The following C2CD5 variants were observed in gnomAD, a reference collection of about 807,000 sequenced individuals.
The protein encoded by C2CD5 is C2 domain-containing protein 5.
C2CD5 carries 109 observed loss-of-function variants against 130.3 expected under a neutral mutation model. The ratio of observed to expected loss-of-function variants is 0.84; its 90% CI spans 0.72 to 0.98. The LOEUF is 0.98. C2CD5 is among the 50% of genes least tolerant of loss of function. The probability of loss-of-function intolerance (pLI) is 0.00; values close to 1 mark genes in which losing one functional copy is unlikely to be tolerated. For missense variants in C2CD5, 996 were observed against 1,261.8 expected (o/e 0.79, Z 3.19); for synonymous variants, 454 against 429.2 (o/e 1.06, Z -0.71).
intron 15 of C2CD5, 163 bp downstream of exon 15, chr12:22,478,150 C>T (rs1014666454): frequency 2.6e-5 from 16 of 622,462 alleles, no homozygotes; most frequent in Non-Finnish European, 3.4e-5. Flanking sequence ...TAGGCTTACC[C>T]GAAAAGGAGA....
intron 8 of C2CD5, chr12:22,515,054 G>C: frequency 1.0e-6 from 1 of 985,014 alleles, no homozygotes; most frequent in Non-Finnish European, 1.2e-6. Context: ...GCTAGATTCC[G>C]AGAGGAGGAG....
intron 21 of C2CD5, among the ~76,000 whole-genome samples, chr12:22,470,160 A>T (rs1054962408): frequency 5.3e-5 from 8 of 152,142 alleles, no homozygotes; most frequent in African/African-American, 1.9e-4. Flanking sequence ...ATCTGAACAC[A>T]TAATCATTTA....
intron 2 of C2CD5, among the ~76,000 whole-genome samples, chr12:22,543,204 C>T (rs930528842): frequency 1.3e-5 from 2 of 152,366 alleles, no homozygotes; most frequent in South Asian, 4.1e-4. Flanking sequence ...TGCTCTAATG[C>T]TCTGGCTCAT....
rs1340410416 is a variant in C2CD5 at position 22,453,914 on chromosome 12, C to A, written c.3006G>T (p.Glu1002Asp). 1 of 1,612,606 alleles carries A rather than the reference C, an allele frequency of 6.2e-7. No homozygotes were observed. The highest frequency in any genetic ancestry group is 2.2e-5 in the East Asian group (1 of 44,804). Reference protein sequence around the residue: ...SYIMKQCVFMENPNKNQAQCL... With the variant: ...SYIMKQCVFMDNPNKNQAQCL... ...ATCTTACCTGGTTTTTATTTGGATT[C>A]TCCATGAAGACACACTGCTTCATTA... The change falls in exon 26 of 27, where the codon GAG becomes GAT. Residue 1002 changes from glutamate to aspartate, a missense_variant. Glu to Asp is a conservative substitution (Grantham distance 45). Around this residue, in one of 9 missense-constraint regions of C2CD5, gnomAD observed 51 missense variants for 99.5 expected, o/e 0.51. Coordinates refer to ENST00000446597, the MANE Select transcript of C2CD5 (RefSeq NM_001286176.2).
Position 22,523,671 on chromosome 12 carries a change from C to T in C2CD5, c.602-47G>A, listed in dbSNP as rs778051365. ...ATTCTTGCTTTGTAGCTTTACATTA[C>T]ATACTATAAGACTGGACATGGTAGT... On this transcript the variant is annotated intron_variant, in intron 6 of 26. Coordinates refer to ENST00000446597, the MANE Select transcript of C2CD5 (RefSeq NM_001286176.2). 5 of 1,358,618 alleles carry T rather than the reference C, an allele frequency of 3.7e-6. No homozygotes were observed. In the Admixed American group the frequency reaches 8.5e-5, roughly 23 times the overall value. 84.2% of individuals were successfully genotyped at this position (1,358,618 alleles called of 1,614,324 possible). A position where few individuals can be genotyped will look rare whatever the true frequency, so the allele number is the denominator to read the frequency against.
At chr12:22,476,665 C>T (rs909322054) in intron 15 of C2CD5, among the ~76,000 whole-genome samples, 26 of 151,846 alleles carry the variant, frequency 1.7e-4, no homozygotes, top group African/African-American at 6.0e-4. Flanking sequence ...AAACTAAGTA[C>T]AATAATATGT....
At position 22,490,601 on chromosome 12, in the gene C2CD5, G is replaced by A. The variant is rs551928907; in HGVS notation, c.1263-383C>T. Among the ~76,000 whole-genome samples the A allele has an allele frequency of 3.9e-5, 6 of 152,018 alleles. No homozygotes were observed. The South Asian group carries it at 1.2e-3, about 32-fold the overall frequency. On this transcript the variant is annotated intron_variant, in intron 11 of 26. Transcript: ENST00000446597. ...AAAATACTCTTTAAATGTATATGAA[G>A]TTTTATTAAAATTATTCTAAAAGCA... is the stretch of plus-strand genomic sequence containing the variant.
intron 9 of C2CD5, chr12:22,512,584 A>C: frequency 8.8e-7 from 1 of 1,136,664 alleles, no homozygotes; most frequent in Non-Finnish European, 1.2e-6. Context: ...TAAATGACCA[A>C]GATTAAAACT....
intron 11 of C2CD5, among the ~76,000 whole-genome samples, chr12:22,490,564 TG>T (rs1946206143): frequency 1.3e-5 from 2 of 152,132 alleles, no homozygotes; most frequent in South Asian, 4.1e-4. Context: ...CATTAATCAA[TG>T]AAACTATATT....
intron 10 of C2CD5, among the ~76,000 whole-genome samples, chr12:22,494,438 T>C (rs1751494539): frequency 6.6e-6 from 1 of 152,112 alleles, no homozygotes; most frequent in Admixed American, 6.6e-5. Context: ...AGTAGAATTA[T>C]ACTCACTAGT....
chr12:22,469,819 T>A, intron 21 of C2CD5, 24 bp from the exon 22 acceptor site: 2 of 1,386,314 alleles, frequency 1.4e-6, no homozygotes, highest in Non-Finnish European at 2.0e-6. Flanking sequence ...AAAATATCAG[T>A]TATTTAGTAA....
chr12:22,479,076 CA>C (rs1205317812), intron 14 of C2CD5, among the ~76,000 whole-genome samples: 3 of 151,564 alleles, frequency 2.0e-5, no homozygotes, highest in African/African-American at 7.3e-5. Context: ...TTCTACCTCA[CA>C]ATTTTTTTTT....
chr12:22,496,127 G>C (rs939932018), intron 10 of C2CD5, among the ~76,000 whole-genome samples: 3 of 152,046 alleles, frequency 2.0e-5, no homozygotes, highest in African/African-American at 4.8e-5. Flanking sequence ...TTGTTTAACA[G>C]TAAAGAAAAG....
At chr12:22,530,481 G>A (rs550700395) in intron 3 of C2CD5, among the ~76,000 whole-genome samples, 3 of 149,168 alleles carry the variant, frequency 2.0e-5, no homozygotes, top group Admixed American at 6.6e-5. Context: ...TTTTTAAGAC[G>A]GAGTCTCACT....
At chr12:22,483,869 C>T (rs907860910) in intron 13 of C2CD5, among the ~76,000 whole-genome samples, 4 of 152,130 alleles carry the variant, frequency 2.6e-5, no homozygotes, top group South Asian at 2.1e-4. Context: ...CAATGTGGAA[C>T]GCGTATGAGA....
chr12:22,491,379 C>G (rs1028776519), intron 11 of C2CD5, among the ~76,000 whole-genome samples: 9 of 152,204 alleles, frequency 5.9e-5, no homozygotes, highest in African/African-American at 2.2e-4. Context: ...TATGCCTCTT[C>G]TTTTTATTTA....
chr12:22,448,757 G>A lies in C2CD5; in HGVS notation c.*1003C>T, dbSNP rs1012465295. 9 of 152,548 alleles carry A rather than the reference G, an allele frequency of 5.9e-5. No individual in the cohort carries two copies. Among genetic ancestry groups the A allele is most frequent in the Non-Finnish European group, 1.2e-4 (8 of 68,014 alleles). The allele number at this position is 152,548 out of a possible 1,614,324, so 9.4% of individuals were successfully genotyped here. Reference sequence around the variant, plus strand: ...TGCAAAGGAGGAATGTAATATTTAAGGTTCATTTACAACGGGCATTTGGCG... The same window carrying A: ...TGCAAAGGAGGAATGTAATATTTAAAGTTCATTTACAACGGGCATTTGGCG... On this transcript the variant is annotated 3_prime_UTR_variant, in exon 27 of 27. Transcript: ENST00000446597.
At chr12:22,450,377 C>G (rs965693899) in intron 26 of C2CD5, among the ~76,000 whole-genome samples, 5 of 152,100 alleles carry the variant, frequency 3.3e-5, no homozygotes, top group Non-Finnish European at 7.4e-5. Flanking sequence ...TAATAAGTAA[C>G]TTTTCACTGC....
At chr12:22,538,395 C>T (rs1952022692) in intron 2 of C2CD5, among the ~76,000 whole-genome samples, 1 of 152,132 alleles carries the variant, frequency 6.6e-6, no homozygotes, top group Admixed American at 6.5e-5. Flanking sequence ...ATACAGTTGA[C>T]ATAAGCAGAT....
Sources: allele counts gnomAD v4.1 joint callset (sites outside exome capture counted in the v4.1 genomes callset), GRCh38; gene constraint gnomAD v4.1.1; regional missense constraint gnomAD v4.1.1; transcripts MANE v1.5; gene names NCBI Gene and HGNC (gene_info 2026-07-23, HGNC 2026-07-21).